The following FABP12 variants were observed in gnomAD, a reference collection of about 807,000 sequenced individuals.
The protein encoded by FABP12 is fatty acid binding protein 12.
A neutral mutation model predicts 13.7 loss-of-function variants in FABP12; 19 were observed. The ratio of observed to expected loss-of-function variants is 1.39; its 90% CI spans 0.97 to 2.04. FABP12 has a LOEUF of 2.04. Ranked by LOEUF, FABP12 falls within the 30% of genes most tolerant of loss-of-function variation. FABP12 has a pLI of 0.00. For missense variants in FABP12, 182 were observed against 164.2 expected (o/e 1.11, Z -0.59); for synonymous variants, 61 against 57.0 (o/e 1.07, Z -0.32).
At chr8:81,563,945 G>A (rs1300560701) in intron 1 of FABP12, among the ~76,000 whole-genome samples, 1 of 151,986 alleles carries the variant, frequency 6.6e-6, no homozygotes, top group Non-Finnish European at 1.5e-5. Flanking sequence ...GAAGGTTATA[G>A]GACACCAAGC....
At chr8:81,582,790 A>G (rs77768795) in intron 1 of FABP12, among the ~76,000 whole-genome samples, 3,987 of 152,258 alleles carry the variant, frequency 0.026, 87 homozygotes, top group South Asian at 0.088. Context: ...TCAGCATTAA[A>G]CAGATTATCT....
intron 1 of FABP12, among the ~76,000 whole-genome samples, chr8:81,573,933 G>A (rs1044441972): frequency 3.3e-5 from 5 of 151,868 alleles, no homozygotes; most frequent in South Asian, 2.1e-4. Context: ...TTACTGAATC[G>A]GATGGCTTAT....
At chr8:81,558,150 G>T (rs563533336) in intron 1 of FABP12, among the ~76,000 whole-genome samples, 10 of 152,342 alleles carry the variant, frequency 6.6e-5, no homozygotes, top group African/African-American at 2.4e-4. Context: ...GCTCTGAAAG[G>T]AGGAAGAATG....
At chr8:81,575,197 G>A (rs1225463133) in intron 1 of FABP12, among the ~76,000 whole-genome samples, 1 of 152,034 alleles carries the variant, frequency 6.6e-6, no homozygotes, top group African/African-American at 2.4e-5. Context: ...TTCGATCTTG[G>A]TTTCGTTTTC....
chr8:81,589,716 A>T (rs1559950), intron 1 of FABP12, among the ~76,000 whole-genome samples: 2 of 152,148 alleles, frequency 1.3e-5, no homozygotes, highest in African/African-American at 4.8e-5. Context: ...GGAGCAAAGC[A>T]TCTCTCTCTC....
intron 1 of FABP12, among the ~76,000 whole-genome samples, chr8:81,566,367 A>C (rs947385512): frequency 6.6e-6 from 1 of 152,152 alleles, no homozygotes; most frequent in African/African-American, 2.4e-5. Context: ...ATATCAAAAA[A>C]AGAAAACTAC....
chr8:81,554,702 A>G (rs1809577610), intron 1 of FABP12, among the ~76,000 whole-genome samples: 1 of 152,150 alleles, frequency 6.6e-6, no homozygotes, highest in Admixed American at 6.5e-5. Context: ...CTATGATCTA[A>G]GACAAGGTGT....
At chr8:81,536,433 G>T (rs1276709298), upstream of FABP12, among the ~76,000 whole-genome samples, 1 of 152,054 alleles carries the variant, frequency 6.6e-6, no homozygotes, top group African/African-American at 2.4e-5. Context: ...TATTAAACTT[G>T]AGTTATTTCA....
intron 1 of FABP12, among the ~76,000 whole-genome samples, chr8:81,563,725 A>G (rs1177382031): frequency 6.6e-6 from 1 of 152,222 alleles, no homozygotes; most frequent in African/African-American, 2.4e-5. Context: ...CTATTTGAAA[A>G]TACACAGTCA....
At chr8:81,552,574 C>A (rs921956146) in intron 1 of FABP12, among the ~76,000 whole-genome samples, 1 of 152,054 alleles carries the variant, frequency 6.6e-6, no homozygotes, top group Non-Finnish European at 1.5e-5. Context: ...GTGGAGAATG[C>A]TTGGAAGTAG....
At chr8:81,572,292 C>A (rs1379314672) in intron 1 of FABP12, among the ~76,000 whole-genome samples, 1 of 152,150 alleles carries the variant, frequency 6.6e-6, no homozygotes, top group Non-Finnish European at 1.5e-5. Flanking sequence ...TAATTCATTC[C>A]TTTTTATGGC....
intron 1 of FABP12, among the ~76,000 whole-genome samples, chr8:81,573,294 T>C (rs531116699): frequency 6.6e-6 from 1 of 152,356 alleles, no homozygotes; most frequent in East Asian, 1.9e-4. Context: ...CTCTATTCTG[T>C]TCCATTGGTC....
intron 1 of FABP12, among the ~76,000 whole-genome samples, chr8:81,571,537 C>T (rs777377505): frequency 6.6e-6 from 1 of 152,214 alleles, no homozygotes; most frequent in African/African-American, 2.4e-5. Flanking sequence ...CTATTATTAA[C>T]AAATACTTTC....
chr8:81,583,206 A>T (rs1238421088), intron 1 of FABP12, among the ~76,000 whole-genome samples: 1 of 152,164 alleles, frequency 6.6e-6, no homozygotes, highest in Admixed American at 6.5e-5. Flanking sequence ...AAAAGCAGTG[A>T]CAAGAGGGAA....
chr8:81,531,021 T>C (rs1326220650), intron 2 of FABP12, among the ~76,000 whole-genome samples: 1 of 152,210 alleles, frequency 6.6e-6, no homozygotes, highest in Non-Finnish European at 1.5e-5. Context: ...TCACTTGCTG[T>C]TTAGTTAGTT....
intron 1 of FABP12, among the ~76,000 whole-genome samples, chr8:81,582,118 A>ATTTTTT (rs34960860): frequency 2.2e-4 from 21 of 96,786 alleles, no homozygotes; most frequent in Non-Finnish European, 3.1e-4. Flanking sequence ...GCTAACTGGA[A>ATTTTTT]TTTTTTTTTT....
At chr8:81,584,472 C>G (rs1245615050) in intron 1 of FABP12, among the ~76,000 whole-genome samples, 1 of 152,196 alleles carries the variant, frequency 6.6e-6, no homozygotes. Context: ...GTTTTTACAA[C>G]AGGCAAATCC....
intron 1 of FABP12, among the ~76,000 whole-genome samples, chr8:81,565,275 C>A (rs1049211072): frequency 6.6e-5 from 10 of 152,010 alleles, no homozygotes; most frequent in Admixed American, 5.2e-4. Context: ...ATTAGACAGA[C>A]TATCCAGACA....
intron 1 of FABP12, among the ~76,000 whole-genome samples, chr8:81,540,456 C>T (rs1161239619): frequency 1.3e-5 from 2 of 152,246 alleles, no homozygotes; most frequent in Non-Finnish European, 2.9e-5. Flanking sequence ...AGGCATTTCA[C>T]TTCTGTGGTC....
Sources: gnomAD v4.1 joint callset for allele counts (sites outside exome capture counted in the v4.1 genomes callset) on GRCh38, gnomAD v4.1.1 for gene constraint, MANE v1.5 for transcripts, NCBI Gene and HGNC (gene_info 2026-07-23, HGNC 2026-07-21) for gene names.